Variants in ADAMTS18 observed in about 807,000 individuals in gnomAD.
ADAMTS18 encodes A disintegrin and metalloproteinase with thrombospondin motifs 18.
A neutral mutation model predicts 165.9 loss-of-function variants in ADAMTS18; 157 were observed. The observed-to-expected ratio is 0.95, with a 90% CI of 0.83 to 1.08. ADAMTS18 has a LOEUF of 1.08. ADAMTS18 is among the 50% of genes least tolerant of loss of function. ADAMTS18 has a pLI of 0.00. For missense variants in ADAMTS18, 2,040 were observed against 1,534.0 expected, an observed-to-expected ratio of 1.33 and a Z score of -5.51; for synonymous variants, 782 against 578.2, an observed-to-expected ratio of 1.35 and a Z score of -5.06.
intron 3 of ADAMTS18, among the ~76,000 whole-genome samples, chr16:77,418,975 A>G (rs2144844099): frequency 6.6e-6 from 1 of 152,110 alleles, no homozygotes; most frequent in African/African-American, 2.4e-5. Context: ...GTGGTGAAAC[A>G]CCGTCTCTAC....
At chr16:77,333,146 A>G (rs553428902) in intron 12 of ADAMTS18, among the ~76,000 whole-genome samples, 2 of 152,304 alleles carry the variant, frequency 1.3e-5, no homozygotes, top group African/African-American at 4.8e-5. Flanking sequence ...AGTCCCGTAG[A>G]GAATGACTCC....
intron 16 of ADAMTS18, among the ~76,000 whole-genome samples, chr16:77,304,170 G>A (rs766619572): frequency 3.3e-5 from 5 of 152,092 alleles, no homozygotes; most frequent in African/African-American, 9.7e-5. Flanking sequence ...TGATTATAGC[G>A]AAGAAGACAC....
At chr16:77,366,615 GT>G (rs2056798741) in intron 4 of ADAMTS18, among the ~76,000 whole-genome samples, 1 of 152,094 alleles carries the variant, frequency 6.6e-6, no homozygotes, top group South Asian at 2.1e-4. Context: ...TGTTTTAAAT[GT>G]TTTAAGTATG....
intron 7 of ADAMTS18, among the ~76,000 whole-genome samples, chr16:77,361,889 T>TAAAAA (rs34606614): frequency 9.9e-5 from 15 of 150,780 alleles, no homozygotes; most frequent in South Asian, 4.2e-4. Flanking sequence ...CATCTCAAAT[T>TAAAAA]AAAAAAAATA....
At chr16:77,292,566 G>C (rs1393173694) in intron 20 of ADAMTS18, among the ~76,000 whole-genome samples, 1 of 152,178 alleles carries the variant, frequency 6.6e-6, no homozygotes, top group Non-Finnish European at 1.5e-5. Context: ...GGTGAAGCTT[G>C]AGCTCTCCCA....
At chr16:77,332,532 C>A (rs536032338) in intron 12 of ADAMTS18, among the ~76,000 whole-genome samples, 2 of 152,154 alleles carry the variant, frequency 1.3e-5, no homozygotes, top group Admixed American at 1.3e-4. Flanking sequence ...TATACATAAA[C>A]CCAAGTCAAA....
intron 12 of ADAMTS18, among the ~76,000 whole-genome samples, chr16:77,327,660 C>A (rs1442037892): frequency 2.6e-5 from 4 of 152,176 alleles, no homozygotes; most frequent in Admixed American, 2.0e-4. Context: ...ATCATATTAG[C>A]CCCTGTGTTA....
chr16:77,360,339 A>G (rs1458163933), intron 7 of ADAMTS18, among the ~76,000 whole-genome samples: 2 of 152,230 alleles, frequency 1.3e-5, no homozygotes, highest in Non-Finnish European at 2.9e-5. Flanking sequence ...AGGAAACCAA[A>G]GCTCAGAGAG....
At chr16:77,344,009 C>G (rs1259941104) in intron 10 of ADAMTS18, among the ~76,000 whole-genome samples, 1 of 150,608 alleles carries the variant, frequency 6.6e-6, no homozygotes, top group Non-Finnish European at 1.5e-5. Flanking sequence ...GTAGATTTTA[C>G]AGTTAGAAAA....
In ADAMTS18 at chr16:77,400,466, GTGTGTGTGTGTGTGTTTTGTTT is replaced by G. The variant is rs1567541672; in HGVS notation, c.495+30807_495+30828del. Among the ~76,000 whole-genome samples, 18 of 139,408 alleles carry G rather than the reference GTGTGTGTGTGTGTGTTTTGTTT, an allele frequency of 1.3e-4. 1 individual carries two copies. Among genetic ancestry groups the G allele is most frequent in the African/African-American group, 5.0e-4 (18 of 36,226 alleles). 91.5% of individuals were successfully genotyped at this position (139,408 alleles called of 152,430 possible). The stretch of plus-strand genomic sequence containing the variant: ...TGTGTGTGTGTGTGTCTGTGTGTGT[GTGTGTGTGTGTGTGTTTTGTTT>G]TTTTTTTTTTTGAGACGGAGTCTCG... On this transcript the variant is annotated intron_variant, in intron 3 of 22. Transcript: ENST00000282849.
At position 77,373,901 on chromosome 16, in the gene ADAMTS18, C is replaced by T. The variant is rs578208012; in HGVS notation, c.496-6178G>A. On this transcript the variant is annotated intron_variant, in intron 3 of 22. Coordinates refer to ENST00000282849, the MANE Select transcript of ADAMTS18 (RefSeq NM_199355.4). ...GTCACCTGAGTATCTCTGATGCATG[C>T]CACTTGTTATCAGCTAGTAAATATT... 2.0e-5 allele frequency among the ~76,000 whole-genome samples: 3 copies of T among 152,166 alleles called. No individual in the cohort carries two copies. In the South Asian group the frequency reaches 6.2e-4, roughly 32 times the overall value.
chr16:77,403,072 C>T (rs775412929), intron 3 of ADAMTS18, among the ~76,000 whole-genome samples: 1 of 152,174 alleles, frequency 6.6e-6, no homozygotes, highest in Non-Finnish European at 1.5e-5. Context: ...AACATTTGTA[C>T]TTGTGTTAAT....
At chr16:77,384,458 G>C (rs2057077093) in intron 3 of ADAMTS18, among the ~76,000 whole-genome samples, 1 of 152,150 alleles carries the variant, frequency 6.6e-6, no homozygotes, top group Non-Finnish European at 1.5e-5. Flanking sequence ...GAAGGTACTG[G>C]CGTGACACTC....
At chr16:77,332,404 C>T (rs191166358) in intron 12 of ADAMTS18, among the ~76,000 whole-genome samples, 3 of 152,284 alleles carry the variant, frequency 2.0e-5, no homozygotes, top group Admixed American at 6.5e-5. Flanking sequence ...ATGAAAACCA[C>T]ACAGATCCCA....
At chr16:77,291,109 A>G (rs1291016592) in intron 21 of ADAMTS18, among the ~76,000 whole-genome samples, 157 bp downstream of exon 21, 1 of 152,212 alleles carries the variant, frequency 6.6e-6, no homozygotes, top group Non-Finnish European at 1.5e-5. Context: ...TTACCTGCCC[A>G]GGGCCAAAGA....
At chr16:77,367,883 T>A (rs1567518039) in intron 3 of ADAMTS18, among the ~76,000 whole-genome samples, 160 bp from the exon 4 acceptor site, 1 of 152,084 alleles carries the variant, frequency 6.6e-6, no homozygotes, top group Non-Finnish European at 1.5e-5. Flanking sequence ...TACAACGAGT[T>A]GCTATTATTA....
intron 16 of ADAMTS18, among the ~76,000 whole-genome samples, chr16:77,304,109 T>C (rs2055639338): frequency 6.6e-6 from 1 of 152,174 alleles, no homozygotes; most frequent in South Asian, 2.1e-4. Context: ...AATCACATTA[T>C]CATCTAAAGA....
intron 3 of ADAMTS18, among the ~76,000 whole-genome samples, chr16:77,372,389 A>G (rs982420858): frequency 6.6e-6 from 1 of 152,224 alleles, no homozygotes; most frequent in South Asian, 2.1e-4. Context: ...ACAAACAAAT[A>G]AAAATGTGGT....
At chr16:77,341,933 T>C in intron 10 of ADAMTS18, 134 bp from the exon 11 acceptor site, 1 of 719,074 alleles carries the variant, frequency 1.4e-6, no homozygotes, top group Non-Finnish European at 2.3e-6. Flanking sequence ...TAGAGGCCAG[T>C]GAAGTTGGCA....
Sources: gnomAD v4.1 joint callset for allele counts (sites outside exome capture counted in the v4.1 genomes callset) on GRCh38, gnomAD v4.1.1 for gene constraint, MANE v1.5 for transcripts, NCBI Gene and HGNC (gene_info 2026-07-23, HGNC 2026-07-21) for gene names.